Variants in UBE3C observed in about 807,000 individuals in gnomAD.
UBE3C encodes ubiquitin protein ligase E3C, also known as ubiquitin-protein ligase E3C.
UBE3C carries 42 observed loss-of-function variants against 129.4 expected under a neutral mutation model. The observed-to-expected ratio is 0.32, with a 90% CI of 0.25 to 0.42. The LOEUF is 0.42. Ranked by LOEUF, UBE3C falls within the 10% of genes least tolerant of loss-of-function variation. The pLI is 1.00. For synonymous variants in UBE3C, 510 were observed against 492.4 expected (o/e 1.04, Z -0.47); for missense variants, 1,049 against 1,319.1 (o/e 0.80, Z 3.17).
In UBE3C at chr7:157,242,511, G is replaced by GTT. The variant is rs754697865; in HGVS notation, c.2482-5856_2482-5855dup. Among the ~76,000 whole-genome samples, 14 of 7,904 alleles carry GTT rather than the reference G, an allele frequency of 1.8e-3. 1 individual carries two copies. The highest frequency in any genetic ancestry group is 0.01 in the Admixed American group (12 of 1,160). The allele number at this position is 7,904 out of a possible 152,430, so 5.2% of individuals were successfully genotyped here. ...TGGGGTACCTTGAGACTGAGCCTGA[G>GTT]TTGTTTTTTTTTTTTTTTTTTTTTT... On this transcript the variant is annotated intron_variant, in intron 18 of 22. Transcript: ENST00000348165.
intron 1 of UBE3C, among the ~76,000 whole-genome samples, chr7:157,152,066 C>T (rs1387243270): frequency 6.6e-6 from 1 of 152,108 alleles, no homozygotes; most frequent in Non-Finnish European, 1.5e-5. Flanking sequence ...ATTACTGTCA[C>T]CAGTTAGAGG....
chr7:157,192,753 T>G lies in UBE3C; in HGVS notation c.1331+5732T>G, dbSNP rs926629610. 4.2e-5 allele frequency: 48 copies of G among 1,132,324 alleles called. No individual in the cohort carries two copies. The Admixed American group carries it at 6.6e-4, about 15-fold the overall frequency. The allele number at this position is 1,132,324 out of a possible 1,614,324, so 70.1% of individuals were successfully genotyped here. A position where few individuals can be genotyped will look rare whatever the true frequency, so the allele number is the denominator to read the frequency against. On this transcript the variant is annotated intron_variant, in intron 10 of 22. Transcript: ENST00000348165. ...TTCTGATGAATGTGGTGCTGGAGTG[T>G]TTATGGCAAGTCACTTTGACAGACA...
intron 16 of UBE3C, among the ~76,000 whole-genome samples, chr7:157,224,997 C>T (rs972047082): frequency 6.6e-6 from 1 of 152,088 alleles, no homozygotes; most frequent in South Asian, 2.1e-4. Flanking sequence ...AATATTCTAT[C>T]GCAAGGGGTT....
chr7:157,163,987 A>T, intron 2 of UBE3C, 124 bp downstream of exon 2: 1 of 874,948 alleles, frequency 1.1e-6, no homozygotes, highest in Non-Finnish European at 1.7e-6. Context: ...ATGTGTGTGT[A>T]TGTGTGTTTA....
intron 11 of UBE3C, among the ~76,000 whole-genome samples, chr7:157,203,955 G>A (rs114746855): frequency 2.6e-5 from 4 of 152,142 alleles, no homozygotes; most frequent in African/African-American, 2.4e-5. Context: ...ATGTGCATTA[G>A]CCTACAGCTA....
intron 8 of UBE3C, 116 bp downstream of exon 8, chr7:157,182,444 A>G: frequency 1.0e-6 from 1 of 997,128 alleles, no homozygotes; most frequent in Non-Finnish European, 1.5e-6. Flanking sequence ...CTCCTGGAGG[A>G]GTGTATTTGC....
intron 19 of UBE3C, 184 bp downstream of exon 19, chr7:157,248,764 T>G (rs960264150): frequency 6.5e-6 from 4 of 614,938 alleles, no homozygotes; most frequent in Non-Finnish European, 1.1e-5. Flanking sequence ...CTGAGCTGAG[T>G]GCAGTTCCTG....
intron 14 of UBE3C, among the ~76,000 whole-genome samples, chr7:157,217,732 G>A (rs1441844778): frequency 3.3e-5 from 5 of 152,324 alleles, no homozygotes; most frequent in African/African-American, 1.2e-4. Flanking sequence ...AGCTACTCGG[G>A]AGGCTAAGGC....
chr7:157,159,555 G>A (rs1808011135), intron 1 of UBE3C, among the ~76,000 whole-genome samples: 2 of 152,202 alleles, frequency 1.3e-5, no homozygotes, highest in African/African-American at 4.8e-5. Flanking sequence ...GAATCCAGTT[G>A]TATCAGAGAA....
At chr7:157,168,879 T>A (rs1370582557) in intron 2 of UBE3C, among the ~76,000 whole-genome samples, 169 bp from the exon 3 acceptor site, 1 of 152,216 alleles carries the variant, frequency 6.6e-6, no homozygotes, top group Admixed American at 6.5e-5. Context: ...GATGGTTGCA[T>A]AGCTCTTAAT....
chr7:157,217,061 T>A, intron 14 of UBE3C, 90 bp downstream of exon 14: 1 of 1,019,472 alleles, frequency 9.8e-7, no homozygotes, highest in Non-Finnish European at 1.4e-6. Context: ...ACTTTAAAAT[T>A]ATTTATTTTA....
chr7:157,184,114 GT>G, intron 9 of UBE3C, 85 bp downstream of exon 9: 2 of 1,543,908 alleles, frequency 1.3e-6, no homozygotes, highest in South Asian at 1.2e-5. Context: ...CGTAGTTTCA[GT>G]TACACAAGTC....
intron 1 of UBE3C, among the ~76,000 whole-genome samples, chr7:157,162,685 A>G (rs1480156886): frequency 6.6e-6 from 1 of 151,938 alleles, no homozygotes; most frequent in Non-Finnish European, 1.5e-5. Flanking sequence ...GACTACGGGC[A>G]CATACTGCTG....
At chr7:157,158,189 G>A (rs959169825) in intron 1 of UBE3C, among the ~76,000 whole-genome samples, 1 of 151,444 alleles carries the variant, frequency 6.6e-6, no homozygotes, top group African/African-American at 2.4e-5. Context: ...ACTGTGCCTG[G>A]CCCTAGAGTC....
chr7:157,182,377 T>A, intron 8 of UBE3C, 49 bp downstream of exon 8: 1 of 1,579,016 alleles, frequency 6.3e-7, no homozygotes, highest in Non-Finnish European at 8.7e-7. Flanking sequence ...TGGGTAGCAT[T>A]GGCAGATGAG....
rs531729297 is a variant in UBE3C, at chr7:157,249,318, GTCTT to G, written c.2694+740_2694+743del. On this transcript the variant is annotated intron_variant, in intron 19 of 22. Transcript: ENST00000348165. ...GCTGTGGACACTTCACATCGATAGA[GTCTT>G]TTTTTTTTTTGAGATGGAGTTTCAC... 7.6e-4 allele frequency among the ~76,000 whole-genome samples: 115 copies of G among 151,228 alleles called. No individual in the cohort carries two copies. The South Asian group carries it at 0.024, about 31-fold the overall frequency.
At chr7:157,218,915 C>A in intron 14 of UBE3C, among the ~76,000 whole-genome samples, 1 of 152,144 alleles carries the variant, frequency 6.6e-6, no homozygotes, top group East Asian at 1.9e-4. Flanking sequence ...TGCAAAGGAA[C>A]CATCTCATTA....
chr7:157,267,448 C>T (rs1797110095), intron 22 of UBE3C, 137 bp from the exon 23 acceptor site: 1 of 1,085,208 alleles, frequency 9.2e-7, no homozygotes, highest in Middle Eastern at 2.0e-4. Flanking sequence ...AACAACAAAG[C>T]AAATGTGGTT....
chr7:157,167,758 G>A lies in UBE3C; in HGVS notation c.121-1290G>A, dbSNP rs544087560. On this transcript the variant is annotated intron_variant, in intron 2 of 22. Coordinates refer to ENST00000348165, the MANE Select transcript of UBE3C (RefSeq NM_014671.3). ...TCACCATTTTAACCAGGATGGTCTC[G>A]ATCTCCTGACCTTGTGATCCTCCTG... Among the ~76,000 whole-genome samples the A allele has an allele frequency of 6.6e-5, 10 of 151,624 alleles. No individual in the cohort carries two copies. The East Asian group carries it at 7.9e-4, about 12-fold the overall frequency.
Sources: gnomAD v4.1 joint callset for allele counts (sites outside exome capture counted in the v4.1 genomes callset) on GRCh38, gnomAD v4.1.1 for gene constraint, MANE v1.5 for transcripts, NCBI Gene and HGNC (gene_info 2026-07-23, HGNC 2026-07-21) for gene names.